Variants in SYT1 observed in about 807,000 individuals in gnomAD.
SYT1 encodes synaptotagmin 1, also known as synaptotagmin-1.
A neutral mutation model predicts 44.8 loss-of-function variants in SYT1; 8 were observed. The observed-to-expected ratio is 0.18, with a 90% CI of 0.10 to 0.32. The LOEUF (loss-of-function observed/expected upper bound fraction) is 0.32. SYT1 is among the 10% of genes least tolerant of loss of function. The pLI is 1.00. For synonymous variants in SYT1, 154 were observed against 188.8 expected (o/e 0.82, Z 1.51); for missense variants, 286 against 509.3 (o/e 0.56, Z 4.22).
Position 79,450,297 on chromosome 12 carries a change from C to CCAA in SYT1, c.*1180_*1182dup, listed in dbSNP as rs1313250290. On this transcript the variant is annotated 3_prime_UTR_variant, in exon 11 of 11. Transcript: ENST00000261205. Reference sequence around the variant, plus strand: ...GATGAAAGAAAAACAAAAACAAAAACCAACAACAATTAGCCATAGTTCTGA... The same window carrying CCAA: ...GATGAAAGAAAAACAAAAACAAAAACCAACAACAACAATTAGCCATAGTTCTGA... The CCAA allele has an allele frequency of 6.6e-6, 1 of 152,416 alleles. No homozygotes were observed. The highest frequency in any genetic ancestry group is 1.5e-5 in the Non-Finnish European group (1 of 68,000). The allele number at this position is 152,416 out of a possible 1,614,324, so 9.4% of individuals were successfully genotyped here. A position where few individuals can be genotyped will look rare whatever the true frequency, so the allele number is the denominator to read the frequency against.
intron 8 of SYT1, among the ~76,000 whole-genome samples, chr12:79,342,100 A>C (rs968101558): frequency 1.3e-5 from 2 of 152,188 alleles, no homozygotes; most frequent in African/African-American, 2.4e-5. Context: ...AGAGGGAGAA[A>C]GAGGCATTTG....
chr12:79,041,037 T>A (rs1288111117), intron 2 of SYT1, among the ~76,000 whole-genome samples: 1 of 152,176 alleles, frequency 6.6e-6, no homozygotes, highest in Non-Finnish European at 1.5e-5. Flanking sequence ...CCTTGTAGTG[T>A]AGTTTGAAGT....
chr12:79,423,633 A>G (rs1185208615), intron 9 of SYT1, among the ~76,000 whole-genome samples: 1 of 152,174 alleles, frequency 6.6e-6, no homozygotes, highest in Admixed American at 6.5e-5. Flanking sequence ...ACTGTGGAAT[A>G]GTTCTAAGAA....
At chr12:79,189,956 A>T (rs1487893266) in intron 3 of SYT1, among the ~76,000 whole-genome samples, 4 of 152,140 alleles carry the variant, frequency 2.6e-5, no homozygotes, top group Non-Finnish European at 5.9e-5. Flanking sequence ...CAAGTGAAAA[A>T]GTGCTGGAAG....
At chr12:78,885,258 GGGAAGGAGGGAAGGGAA>G (rs1423293235) in intron 1 of SYT1, among the ~76,000 whole-genome samples, 13 of 148,324 alleles carry the variant, frequency 8.8e-5, no homozygotes, top group East Asian at 2.1e-4. Flanking sequence ...AGAAGAAAGG[GGGAAGGAGGGAAGGGAA>G]GGAAGGAGGG....
chr12:79,312,930 A>G (rs1043327536), intron 8 of SYT1, among the ~76,000 whole-genome samples: 1 of 152,214 alleles, frequency 6.6e-6, no homozygotes, highest in African/African-American at 2.4e-5. Flanking sequence ...ATTAAAACCC[A>G]AATAGACCTC....
intron 9 of SYT1, among the ~76,000 whole-genome samples, chr12:79,373,874 C>A (rs914634045): frequency 6.6e-6 from 1 of 152,124 alleles, no homozygotes; most frequent in African/African-American, 2.4e-5. Flanking sequence ...ATTTCTCACT[C>A]GTGTTTGCAT....
chr12:79,210,571 C>A (rs183845546), intron 3 of SYT1, among the ~76,000 whole-genome samples: 2 of 152,164 alleles, frequency 1.3e-5, no homozygotes, highest in East Asian at 3.8e-4. Flanking sequence ...CTGCAAGTGC[C>A]GTTTATTCAT....
At chr12:78,887,650 C>T (rs948935482) in intron 1 of SYT1, among the ~76,000 whole-genome samples, 9 of 151,810 alleles carry the variant, frequency 5.9e-5, no homozygotes, top group Non-Finnish European at 1.3e-4. Context: ...AACGTAATTG[C>T]TTTTGTATAT....
chr12:79,170,508 G>T (rs1352158817), intron 3 of SYT1, among the ~76,000 whole-genome samples: 1 of 152,112 alleles, frequency 6.6e-6, no homozygotes, highest in African/African-American at 2.4e-5. Flanking sequence ...TTTGAAAAGG[G>T]TCTGTTCTTG....
intron 8 of SYT1, 81 bp downstream of exon 8, chr12:79,299,632 T>C: frequency 1.8e-5 from 28 of 1,520,360 alleles, no homozygotes; most frequent in Non-Finnish European, 2.4e-5. Flanking sequence ...TGAGAAATAC[T>C]CTTTACAAAG....
chr12:79,240,029 A>C (rs1194238970), intron 4 of SYT1, among the ~76,000 whole-genome samples: 1 of 152,228 alleles, frequency 6.6e-6, no homozygotes, highest in Non-Finnish European at 1.5e-5. Flanking sequence ...GAATTTAATT[A>C]CATCTGCAAA....
intron 3 of SYT1, among the ~76,000 whole-genome samples, chr12:79,145,117 G>A (rs994301596): frequency 6.6e-6 from 1 of 152,122 alleles, no homozygotes; most frequent in African/African-American, 2.4e-5. Context: ...GCATATAAAA[G>A]TACACAGGAC....
rs541533706 is a variant in SYT1 at position 79,051,331 on chromosome 12, T to G, written c.-18+3969T>G. 8.7e-5 allele frequency among the ~76,000 whole-genome samples: 13 copies of G among 150,044 alleles called. No homozygotes were observed. In the East Asian group the frequency reaches 2.5e-3, roughly 29 times the overall value. On this transcript the variant is annotated intron_variant, in intron 3 of 10. Coordinates refer to ENST00000261205, the MANE Select transcript of SYT1 (RefSeq NM_005639.3). ...TTATAAATAAATATATATATACATATATATGTATCTCCACTATGTATGTAT... is the reference window on the plus strand; with the variant it reads ...TTATAAATAAATATATATATACATAGATATGTATCTCCACTATGTATGTAT...
intron 3 of SYT1, among the ~76,000 whole-genome samples, chr12:79,073,450 G>A (rs1260854326): frequency 1.3e-5 from 2 of 152,112 alleles, no homozygotes; most frequent in African/African-American, 2.4e-5. Flanking sequence ...AAGGTTAGGC[G>A]AATTCGGAAT....
intron 8 of SYT1, among the ~76,000 whole-genome samples, chr12:79,350,858 C>A (rs1162287737): frequency 3.3e-5 from 5 of 152,152 alleles, no homozygotes; most frequent in African/African-American, 9.7e-5. Context: ...TTTTCTCTAT[C>A]TTGTTGATGC....
At chr12:79,202,794 C>T (rs1055232353) in intron 3 of SYT1, among the ~76,000 whole-genome samples, 1 of 152,152 alleles carries the variant, frequency 6.6e-6, no homozygotes, top group Admixed American at 6.6e-5. Flanking sequence ...TGAACCCTTA[C>T]CTAAACGTTT....
intron 4 of SYT1, among the ~76,000 whole-genome samples, chr12:79,247,321 A>G (rs1455555781): frequency 6.6e-6 from 1 of 152,204 alleles, no homozygotes; most frequent in Non-Finnish European, 1.5e-5. Flanking sequence ...AGATATCTGA[A>G]GTTAAAAACC....
chr12:79,026,482 C>T (rs1388269485), intron 2 of SYT1, among the ~76,000 whole-genome samples: 3 of 150,524 alleles, frequency 2.0e-5, no homozygotes, highest in African/African-American at 4.9e-5. Context: ...TTAAGAAAAG[C>T]GAAAAGTTAT....
Sources: allele counts gnomAD v4.1 joint callset (sites outside exome capture counted in the v4.1 genomes callset), GRCh38; gene constraint gnomAD v4.1.1; transcripts MANE v1.5; gene names NCBI Gene and HGNC (gene_info 2026-07-23, HGNC 2026-07-21).